The following CAMTA1 variants were observed in gnomAD, a reference collection of about 807,000 sequenced individuals.
CAMTA1 encodes calmodulin binding transcription activator 1, also known as calmodulin-binding transcription activator 1.
Under a neutral mutation model 170.9 loss-of-function variants are expected in CAMTA1, and 27 were observed. The ratio of observed to expected loss-of-function variants is 0.16; its 90% confidence interval spans 0.12 to 0.22. The LOEUF (loss-of-function observed/expected upper bound fraction) is 0.22. Among genes scored for constraint, CAMTA1 ranks in the 10% least tolerant of loss-of-function variants. CAMTA1 has a pLI of 1.00. For missense variants in CAMTA1, 1,619 were observed against 2,217.2 expected (o/e 0.73, Z 5.42); for synonymous variants, 833 against 891.5 (o/e 0.93, Z 1.17).
chr1:7,046,486 C>T (rs1461986105), intron 3 of CAMTA1, among the ~76,000 whole-genome samples: 2 of 152,204 alleles, frequency 1.3e-5, no homozygotes, highest in Admixed American at 6.5e-5. Flanking sequence ...CCATGGTGCT[C>T]ACTGGCAAGG....
At chr1:7,468,002 G>T (rs2149543234) in intron 6 of CAMTA1, 101 bp downstream of exon 6, 1 of 950,404 alleles carries the variant, frequency 1.1e-6, no homozygotes, top group Middle Eastern at 2.5e-4. Flanking sequence ...ACGGCTTCGG[G>T]CTGAGAGCCC....
intron 3 of CAMTA1, among the ~76,000 whole-genome samples, chr1:6,876,260 G>A (rs1248164218): frequency 6.6e-6 from 1 of 151,618 alleles, no homozygotes; most frequent in Non-Finnish European, 1.5e-5. Flanking sequence ...TCTGGCGTAT[G>A]TTTACAATGT....
At chr1:7,285,063 C>T (rs547305722) in intron 5 of CAMTA1, among the ~76,000 whole-genome samples, 34 of 152,320 alleles carry the variant, frequency 2.2e-4, no homozygotes, top group African/African-American at 7.9e-4. Flanking sequence ...CCCTCCAAGG[C>T]TCCTTTTGGT....
chr1:7,168,968 CTATT>C (rs1040595245), intron 4 of CAMTA1, among the ~76,000 whole-genome samples: 4 of 152,094 alleles, frequency 2.6e-5, no homozygotes, highest in Non-Finnish European at 5.9e-5. Flanking sequence ...AAGGTTTCTT[CTATT>C]TTAGTTTGCT....
intron 4 of CAMTA1, among the ~76,000 whole-genome samples, chr1:7,205,898 A>T (rs1657648087): frequency 6.6e-6 from 1 of 152,160 alleles, no homozygotes; most frequent in Non-Finnish European, 1.5e-5. Flanking sequence ...TGTGCTTGGT[A>T]GGAGATACTG....
At chr1:7,305,434 C>T (rs546629884) in intron 5 of CAMTA1, among the ~76,000 whole-genome samples, 5 of 152,036 alleles carry the variant, frequency 3.3e-5, no homozygotes, top group Admixed American at 1.3e-4. Flanking sequence ...ACTGGAGTCA[C>T]GCCCTTACCT....
At chr1:7,127,384 G>C (rs1181130297) in intron 4 of CAMTA1, among the ~76,000 whole-genome samples, 1 of 148,816 alleles carries the variant, frequency 6.7e-6, no homozygotes, top group Non-Finnish European at 1.5e-5. Flanking sequence ...TTGGACTTCT[G>C]ACCATGTTGT....
chr1:6,879,613 C>CTTTTTTT (rs58610375), intron 3 of CAMTA1, among the ~76,000 whole-genome samples: 1 of 132,866 alleles, frequency 7.5e-6, no homozygotes, highest in Non-Finnish European at 1.6e-5. Flanking sequence ...TTCCTTTTTT[C>CTTTTTTT]TTTTTTTTTT....
At chr1:7,553,492 C>T (rs977501390) in intron 6 of CAMTA1, among the ~76,000 whole-genome samples, 2 of 152,178 alleles carry the variant, frequency 1.3e-5, no homozygotes, top group Non-Finnish European at 2.9e-5. Context: ...GAGCTCACAG[C>T]CTAGTGGACT....
chr1:7,664,457 A>C lies in CAMTA1; in HGVS notation c.1910A>C (p.Asp637Ala). 6.2e-7 allele frequency: 1 copy of C among 1,613,252 alleles called. No individual in the cohort carries two copies. The change falls in exon 9 of 23, where the codon GAC (aspartate) becomes GCC (alanine). Residue 637 changes from aspartate (D) to alanine (A), a missense_variant. Asp to Ala is a moderately radical substitution (Grantham distance 126, BLOSUM62 -2). Transcript: ENST00000303635. Reference protein sequence around the residue: ...VEQNTHSSLSDSGGTFVMPTV... With the variant: ...VEQNTHSSLSASGGTFVMPTV... ...CAGAACACCCACAGCAGCCTGAGTG[A>C]CTCTGGGGGCACCTTCGTGATGCCC...
At chr1:7,405,255 C>T (rs984816551) in intron 5 of CAMTA1, among the ~76,000 whole-genome samples, 9 of 152,076 alleles carry the variant, frequency 5.9e-5, no homozygotes, top group African/African-American at 1.7e-4. Flanking sequence ...GGCCTAAAAG[C>T]GCATCTTGAA....
chr1:6,832,326 C>T (rs928777900), intron 3 of CAMTA1, among the ~76,000 whole-genome samples: 1 of 152,164 alleles, frequency 6.6e-6, no homozygotes, highest in African/African-American at 2.4e-5. Flanking sequence ...ATCTGCTTGC[C>T]TTGGCCCCTC....
intron 10 of CAMTA1, among the ~76,000 whole-genome samples, chr1:7,677,074 G>C (rs2096128830): frequency 6.6e-6 from 1 of 152,196 alleles, no homozygotes; most frequent in Non-Finnish European, 1.5e-5. Context: ...CAGGGTAACA[G>C]AGGCACATCT....
intron 4 of CAMTA1, among the ~76,000 whole-genome samples, chr1:7,096,371 G>A (rs771710961): frequency 1.3e-5 from 2 of 152,106 alleles, no homozygotes; most frequent in Non-Finnish European, 1.5e-5. Flanking sequence ...ATTCTCCCTT[G>A]TGGGGCTCCC....
chr1:7,143,494 C>T (rs1020807290), intron 4 of CAMTA1, among the ~76,000 whole-genome samples: 1 of 152,186 alleles, frequency 6.6e-6, no homozygotes, highest in East Asian at 1.9e-4. Context: ...TCTCCCATCT[C>T]TGGGTGCAGC....
intron 4 of CAMTA1, among the ~76,000 whole-genome samples, chr1:7,115,888 C>T (rs1644303380): frequency 6.6e-6 from 1 of 152,166 alleles, no homozygotes; most frequent in Non-Finnish European, 1.5e-5. Flanking sequence ...AGGTCTCCAG[C>T]TGATTGGATG....
rs1469760595 is a variant in CAMTA1 at position 7,525,194 on chromosome 1, A to G, written c.510+57293A>G. Among the ~76,000 whole-genome samples the G allele has an allele frequency of 2.0e-5, 3 of 152,058 alleles. No homozygotes were observed. In the East Asian group the frequency reaches 5.8e-4, roughly 29 times the overall value. On this transcript the variant is annotated intron_variant, in intron 6 of 22. Coordinates refer to ENST00000303635, the MANE Select transcript of CAMTA1 (RefSeq NM_015215.4). ...CATTTTCCTTTTCCAGGAAATGTGT[A>G]TCCCAGACAGCCCCCAGCACCCACT...
intron 5 of CAMTA1, among the ~76,000 whole-genome samples, chr1:7,385,680 C>T (rs993786434): frequency 6.6e-6 from 1 of 152,170 alleles, no homozygotes; most frequent in African/African-American, 2.4e-5. Flanking sequence ...CTGTTGGAGA[C>T]ATCTCTACAG....
At chr1:7,277,299 C>T (rs1393510717) in intron 5 of CAMTA1, among the ~76,000 whole-genome samples, 1 of 152,078 alleles carries the variant, frequency 6.6e-6, no homozygotes, top group Admixed American at 6.6e-5. Context: ...AAGAATTGCC[C>T]TACTTAATTT....
Sources: allele counts gnomAD v4.1 joint callset (sites outside exome capture counted in the v4.1 genomes callset), GRCh38; gene constraint gnomAD v4.1.1; transcripts MANE v1.5; gene names NCBI Gene and HGNC (gene_info 2026-07-23, HGNC 2026-07-21).